TMEM61: variants seen among roughly 807,000 people sequenced by gnomAD.
The protein encoded by TMEM61 is transmembrane protein 61.
In TMEM61, 13 loss-of-function variants were observed where a neutral mutation model predicts 12.0. The ratio of observed to expected loss-of-function variants is 1.08; its 90% CI spans 0.70 to 1.72. The LOEUF (loss-of-function observed/expected upper bound fraction) is 1.72. Ranked by LOEUF, TMEM61 falls within the 40% of genes most tolerant of loss-of-function variation. The pLI is 0.00. For synonymous variants in TMEM61, 109 were observed against 121.4 expected (o/e 0.90, Z 0.67); for missense variants, 249 against 276.9 (o/e 0.90, Z 0.71).
At chr1:54,987,341 CA>C (rs1007258433) in intron 2 of TMEM61, among the ~76,000 whole-genome samples, 1 of 152,112 alleles carries the variant, frequency 6.6e-6, no homozygotes, top group African/African-American at 2.4e-5. Context: ...GGGTTGGGGA[CA>C]AAGTGTTGCA....
In TMEM61 at chr1:54,982,378, C is replaced by T. The variant is rs540939784; in HGVS notation, c.15+1298C>T. 2.2e-3 allele frequency among the ~76,000 whole-genome samples: 340 copies of T among 152,252 alleles called. 1 individual carries two copies. The highest frequency in any genetic ancestry group is 3.3e-3 in the Non-Finnish European group (222 of 68,018). On this transcript the variant is annotated intron_variant, in intron 1 of 2. Coordinates refer to ENST00000371268, the MANE Select transcript of TMEM61 (RefSeq NM_182532.3). Reference sequence around the variant, plus strand: ...CAGGTGAAAGGAGTTTGGGTGAGAACAGCCTGCTGATAGTGACATCCCTGA... The same window carrying T: ...CAGGTGAAAGGAGTTTGGGTGAGAATAGCCTGCTGATAGTGACATCCCTGA...
At chr1:54,985,361 C>T (rs1036776190) in intron 1 of TMEM61, among the ~76,000 whole-genome samples, 43 of 152,070 alleles carry the variant, frequency 2.8e-4, no homozygotes, top group African/African-American at 8.9e-4. Flanking sequence ...CTCAGCCTCC[C>T]GAGTAGCTGG....
In TMEM61 at chr1:54,986,134, A is replaced by G. The variant is rs753149844; in HGVS notation, c.53A>G (p.Tyr18Cys). ...AGCCACTTGGCCTCCACCCTCCGCT[A>G]TTGCATGACAGTCAGCGGCACAGTG... Reference protein sequence around the residue: ...DGSHLASTLRYCMTVSGTVVL... With the variant: ...DGSHLASTLRCCMTVSGTVVL... The change falls in exon 2 of 3, where the codon TAT becomes TGT. Residue 18 changes from tyrosine (Y) to cysteine (C), a missense_variant. Transcript: ENST00000371268. The G allele has an allele frequency of 3.1e-6, 5 of 1,605,376 alleles. No homozygotes were observed. In the South Asian group the frequency reaches 4.4e-5, roughly 14 times the overall value.
In TMEM61 at chr1:54,981,074, G is replaced by T. The variant is rs1644217030; in HGVS notation, c.9G>T (p.Leu3=). ...CTGCTGCCCGCCTCCCGATGGCCCT[G>T]CCCCAGGTGGGTGGAAACGGCCTTC... is the stretch of plus-strand genomic sequence containing the variant. MA[L]PQMCDGSHLA... The change falls in exon 1 of 3, where the codon CTG becomes CTT. Residue 3 remains leucine, a synonymous_variant. Coordinates refer to ENST00000371268, the MANE Select transcript of TMEM61 (RefSeq NM_182532.3). 1 of 1,587,828 alleles carries T rather than the reference G, an allele frequency of 6.3e-7. No homozygotes were observed. Among genetic ancestry groups the T allele is most frequent in the South Asian group, 1.2e-5 (1 of 86,844 alleles).
At chr1:54,990,136 G>A (rs1320737665) in intron 2 of TMEM61, among the ~76,000 whole-genome samples, 3 of 152,154 alleles carry the variant, frequency 2.0e-5, no homozygotes, top group Non-Finnish European at 2.9e-5. Context: ...TCAGAGGAGG[G>A]TGAGGACAGG....
At chr1:54,983,174 C>T (rs984143328) in intron 1 of TMEM61, among the ~76,000 whole-genome samples, 27 of 134,770 alleles carry the variant, frequency 2.0e-4, no homozygotes, top group Admixed American at 7.9e-4. Context: ...AGTGCAGTGA[C>T]GCAATCTCGG....
chr1:54,989,116 G>A (rs1195590689), intron 2 of TMEM61, among the ~76,000 whole-genome samples: 1 of 152,192 alleles, frequency 6.6e-6, no homozygotes, highest in East Asian at 1.9e-4. Context: ...CTAGATTTGA[G>A]CCTCAACTGC....
chr1:54,992,176 A>AT lies in TMEM61; in HGVS notation c.*73_*74insT. 1 of 1,529,282 alleles carries AT rather than the reference A, an allele frequency of 6.5e-7. No homozygotes were observed. The highest frequency in any genetic ancestry group is 8.8e-7 in the Non-Finnish European group (1 of 1,133,408). The allele number at this position is 1,529,282 out of a possible 1,614,324, so 94.7% of individuals were successfully genotyped here. A position where few individuals can be genotyped will look rare whatever the true frequency, so the allele number is the denominator to read the frequency against. On this transcript the variant is annotated 3_prime_UTR_variant, in exon 3 of 3. Coordinates refer to ENST00000371268, the MANE Select transcript of TMEM61 (RefSeq NM_182532.3). ...TCCAGAGTCTTATGCAGTGCCTGGG[A>AT]CACAGTAGGCACTCAGCAAACGTTC...
At chr1:54,981,106 CT>C in intron 1 of TMEM61, 26 bp downstream of exon 1, 1 of 1,581,744 alleles carries the variant, frequency 6.3e-7, no homozygotes, top group Non-Finnish European at 8.6e-7. Flanking sequence ...CTTCTCCCTC[CT>C]TTACGGGCAC....
chr1:54,980,880 T>G lies in TMEM61; in HGVS notation c.-186T>G. 1.9e-6 allele frequency: 1 copy of G among 533,554 alleles called. No homozygotes were observed. Among genetic ancestry groups the G allele is most frequent in the Non-Finnish European group, 3.0e-6 (1 of 327,918 alleles). The allele number at this position is 533,554 out of a possible 1,614,324, so 33.1% of individuals were successfully genotyped here. ...GGAGGGCCCAGGAGCCAGACCTCGG[T>G]TTTGCGGGCTGGGGAGCAGGGCTCG... On this transcript the variant is annotated 5_prime_UTR_variant, in exon 1 of 3. Transcript: ENST00000371268.
Position 54,991,860 on chromosome 1 carries a change from C to T in TMEM61, c.390C>T (p.Pro130=), listed in dbSNP as rs562074103. Residue 130 remains proline, a synonymous_variant, in exon 3 of 3, where the codon CCC becomes CCT. Transcript: ENST00000371268. Reference sequence around the variant, plus strand: ...GGACCCCCAAAGTGGTTGACATCCCCACTTACGAGGAAGCCGTGAGCTTCC... The same window carrying T: ...GGACCCCCAAAGTGGTTGACATCCCTACTTACGAGGAAGCCGTGAGCTTCC... The part of the protein sequence containing the change: ...SCRTPKVVDI[P]TYEEAVSFPV... 1.7e-4 allele frequency: 272 copies of T among 1,614,078 alleles called. 3 individuals are homozygous for T. The South Asian group carries it at 2.8e-3, about 17-fold the overall frequency.
chr1:54,981,160 A>C, intron 1 of TMEM61, 80 bp downstream of exon 1: 2 of 1,477,814 alleles, frequency 1.4e-6, no homozygotes, highest in Non-Finnish European at 1.8e-6. Flanking sequence ...CCCTTCCCCT[A>C]ACCTCGGTCA....
intron 2 of TMEM61, among the ~76,000 whole-genome samples, chr1:54,987,415 T>C (rs1355982103): frequency 6.6e-6 from 1 of 152,070 alleles, no homozygotes; most frequent in Non-Finnish European, 1.5e-5. Flanking sequence ...CCTTGTGCCA[T>C]CCTTCTTAGA....
In TMEM61 at chr1:54,986,178, C is replaced by A. The variant is rs769714257; in HGVS notation, c.97C>A (p.Leu33Ile). Reference protein sequence around the residue: ...SGTVVLVAGTLCFAWWSEGDA... With the variant: ...SGTVVLVAGTICFAWWSEGDA... ...CACAGTGGTTCTGGTGGCCGGGACGCTCTGCTTCGCTTGGTGGAGCGAAGG... is the reference window on the plus strand; with the variant it reads ...CACAGTGGTTCTGGTGGCCGGGACGATCTGCTTCGCTTGGTGGAGCGAAGG... The change falls in exon 2 of 3, where the codon CTC becomes ATC. Residue 33 changes from leucine (L) to isoleucine (I), a missense_variant. Physicochemically the swap from Leu to Ile is conservative, Grantham distance 5. Coordinates refer to ENST00000371268, the MANE Select transcript of TMEM61 (RefSeq NM_182532.3). The A allele has an allele frequency of 6.2e-7, 1 of 1,613,630 alleles. No homozygotes were observed. Among genetic ancestry groups the A allele is most frequent in the Non-Finnish European group, 8.5e-7 (1 of 1,179,782 alleles).
intron 1 of TMEM61, among the ~76,000 whole-genome samples, chr1:54,983,450 G>A (rs766429883): frequency 4.7e-4 from 72 of 152,216 alleles, no homozygotes; most frequent in Admixed American, 7.9e-4. Context: ...ATTCTCTTCT[G>A]TGGTTTTCTC....
intron 2 of TMEM61, among the ~76,000 whole-genome samples, chr1:54,987,284 G>C (rs185933423): frequency 6.6e-6 from 1 of 152,312 alleles, no homozygotes; most frequent in African/African-American, 2.4e-5. Flanking sequence ...TGGACATGGT[G>C]GAAAAGAGGC....
rs780127208 is a variant in TMEM61, at chr1:54,983,109, G to GTTTTTTTTTTTTTTTTTTTTTTTTTT, written c.15+2041_15+2042insTTTTTTTTTTTTTTTTTTTTTTTTTT. On this transcript the variant is annotated intron_variant, in intron 1 of 2. Transcript: ENST00000371268. ...TTAGTGGTGATTTGTGTTTTGCTTT[G>GTTTTTTTTTTTTTTTTTTTTTTTTTT]TTTTTTTTTTTTGTTTTTTTTTGAG... 4.6e-5 allele frequency among the ~76,000 whole-genome samples: 5 copies of GTTTTTTTTTTTTTTTTTTTTTTTTTT among 109,522 alleles called. 1 individual carries two copies. The highest frequency in any genetic ancestry group is 3.1e-4 in the South Asian group (1 of 3,272). 71.9% of individuals were successfully genotyped at this position (109,522 alleles called of 152,430 possible).
intron 2 of TMEM61, among the ~76,000 whole-genome samples, chr1:54,989,571 A>G (rs1255462407): frequency 6.6e-6 from 1 of 152,226 alleles, no homozygotes; most frequent in African/African-American, 2.4e-5. Flanking sequence ...CGCCATATCC[A>G]TGAATGGGGC....
chr1:54,987,101 G>A (rs1024645115), intron 2 of TMEM61, among the ~76,000 whole-genome samples: 1 of 152,220 alleles, frequency 6.6e-6, no homozygotes, highest in Non-Finnish European at 1.5e-5. Context: ...ACATCAGATA[G>A]TGTGTGTCAG....
Sources: allele counts gnomAD v4.1 joint callset (sites outside exome capture counted in the v4.1 genomes callset), GRCh38; gene constraint gnomAD v4.1.1; transcripts MANE v1.5; gene names NCBI Gene and HGNC (gene_info 2026-07-23, HGNC 2026-07-21).